Variants in STK25 observed in about 807,000 individuals in gnomAD.
STK25 encodes the protein serine/threonine kinase 25.
STK25 carries 29 observed loss-of-function variants against 53.8 expected under a neutral mutation model. That is an observed-to-expected ratio of 0.54 (90% CI 0.40 to 0.74). The LOEUF is 0.74. STK25 is among the 30% of genes least tolerant of loss of function. The pLI, the probability that STK25 is intolerant of heterozygous loss-of-function variation, is 0.00. For missense variants in STK25, 420 were observed against 568.0 expected (o/e 0.74, Z 2.65); for synonymous variants, 247 against 238.3 (o/e 1.04, Z -0.33).
Position 241,508,023 on chromosome 2 carries a change from G to C in STK25, c.13C>G (p.Arg5Gly). 6.2e-6 allele frequency: 10 copies of C among 1,605,042 alleles called. No individual in the cohort carries two copies. Among genetic ancestry groups the C allele is most frequent in the Admixed American group, 1.7e-5 (1 of 59,016 alleles). The change falls in exon 2 of 12, where the codon CGG becomes GGG. Residue 5 changes from arginine (R) to glycine (G), a missense_variant. By Grantham distance (125) the Arg-to-Gly change is moderately radical (BLOSUM62 -2). Coordinates refer to ENST00000316586, the MANE Select transcript of STK25 (RefSeq NM_001271977.2). The stretch of plus-strand genomic sequence containing the variant: ...CTTCTCACCTGGTTGGCAAATCCCC[G>C]GAGGTGAGCCATGGCCGCGCCGCCT... MAHL[R>G]GFANQHSRVD...
At chr2:241,507,644 GC>G (rs1312139984) in intron 2 of STK25, among the ~76,000 whole-genome samples, 1 of 152,208 alleles carries the variant, frequency 6.6e-6, no homozygotes, top group East Asian at 1.9e-4. Flanking sequence ...CCGCAGGGTG[GC>G]CCCCGACCTT....
Position 241,493,478 on chromosome 2 carries a change from C to A in STK25, c.*2184G>T. On this transcript the variant is annotated 3_prime_UTR_variant, in exon 12 of 12. Transcript: ENST00000316586. Reference sequence around the variant, plus strand: ...GCAGGAGGCAGCCCTGGTCAGCTGCCCATTTCGATGTCCGCTCAGCTCCCA... The same window carrying A: ...GCAGGAGGCAGCCCTGGTCAGCTGCACATTTCGATGTCCGCTCAGCTCCCA... 6.2e-7 allele frequency: 1 copy of A among 1,605,238 alleles called. No individual in the cohort carries two copies. Among genetic ancestry groups the A allele is most frequent in the South Asian group, 1.1e-5 (1 of 90,812 alleles).
chr2:241,508,067 C>A lies in STK25; in HGVS notation c.-32G>T. On this transcript the variant is annotated 5_prime_UTR_variant, in exon 2 of 12. Coordinates refer to ENST00000316586, the MANE Select transcript of STK25 (RefSeq NM_001271977.2). ...GCCGCCTCAGACCCTCCGCCAGCAGCCCCAGGAGGCGTCTGGATCCCGCGG... is the reference window on the plus strand; with the variant it reads ...GCCGCCTCAGACCCTCCGCCAGCAGACCCAGGAGGCGTCTGGATCCCGCGG... 6.3e-7 allele frequency: 1 copy of A among 1,588,322 alleles called. No individual in the cohort carries two copies. The highest frequency in any genetic ancestry group is 2.3e-5 in the East Asian group (1 of 43,442).
Position 241,508,117 on chromosome 2 carries a change from C to T in STK25, c.-82G>A. On this transcript the variant is annotated 5_prime_UTR_variant, in exon 2 of 12. Coordinates refer to ENST00000316586, the MANE Select transcript of STK25 (RefSeq NM_001271977.2). ...GAGAGGCGCGGAGCCGGCTAGCTCGCCCCTGCGGCGTCAGTCCACTGCGAG... is the reference window on the plus strand; with the variant it reads ...GAGAGGCGCGGAGCCGGCTAGCTCGTCCCTGCGGCGTCAGTCCACTGCGAG... The T allele has an allele frequency of 1.3e-6, 2 of 1,533,534 alleles. No individual in the cohort carries two copies. The highest frequency in any genetic ancestry group is 1.8e-6 in the Non-Finnish European group (2 of 1,140,816). 95.0% of individuals were successfully genotyped at this position (1,533,534 alleles called of 1,614,324 possible). A position where few individuals can be genotyped will look rare whatever the true frequency, so the allele number is the denominator to read the frequency against.
At chr2:241,500,057 T>C (rs1559834475) in intron 5 of STK25, 116 bp downstream of exon 5, 1 of 832,298 alleles carries the variant, frequency 1.2e-6, no homozygotes, top group Middle Eastern at 2.2e-4. Context: ...GGCCACAAGG[T>C]TCTCTATACT....
chr2:241,495,546 G>A lies in STK25; in HGVS notation c.*116C>T, dbSNP rs2065098117. 12 of 1,153,796 alleles carry A rather than the reference G, an allele frequency of 1.0e-5. No individual in the cohort carries two copies. In the Middle Eastern group the frequency reaches 5.8e-4, roughly 56 times the overall value. 71.5% of individuals were successfully genotyped at this position (1,153,796 alleles called of 1,614,324 possible). On this transcript the variant is annotated 3_prime_UTR_variant, in exon 12 of 12. Coordinates refer to ENST00000316586, the MANE Select transcript of STK25 (RefSeq NM_001271977.2). The stretch of plus-strand genomic sequence containing the variant: ...CTGGCATGTGAGGCCCACGGGATCC[G>A]ACGTGTCCCTGCAGGCACGACATAG...
At chr2:241,498,565 G>A (rs910419182) in intron 8 of STK25, 74 bp downstream of exon 8, 137 of 1,534,702 alleles carry the variant, frequency 8.9e-5, no homozygotes, top group African/African-American at 2.9e-4. Flanking sequence ...CAGGGCCCAC[G>A]CCCCTGCTTC....
chr2:241,506,452 G>A lies in STK25; in HGVS notation c.30+1554C>T, dbSNP rs34896814. On this transcript the variant is annotated intron_variant, in intron 2 of 11. Coordinates refer to ENST00000316586, the MANE Select transcript of STK25 (RefSeq NM_001271977.2). ...CAATTTCTCATCCTGTGACCCAAAG[G>A]AGTTATTTCTGCAGTTCTTAAAAAT... 6.5e-4 allele frequency among the ~76,000 whole-genome samples: 99 copies of A among 152,302 alleles called. 1 individual carries two copies. The highest frequency in any genetic ancestry group is 2.3e-3 in the African/African-American group (95 of 41,566).
rs1327798014 is a variant in STK25, at chr2:241,495,049, AG to A, written c.*612del. On this transcript the variant is annotated 3_prime_UTR_variant, in exon 12 of 12. Coordinates refer to ENST00000316586, the MANE Select transcript of STK25 (RefSeq NM_001271977.2). ...AAGTCAGGTCTTTATTGAAAGTGGC[AG>A]GGGCCTCTCAATGTTCTATGAAAAC... 1 of 152,362 alleles carries A rather than the reference AG, an allele frequency of 6.6e-6. No individual in the cohort carries two copies. The highest frequency in any genetic ancestry group is 1.9e-4 in the East Asian group (1 of 5,198). 9.4% of individuals were successfully genotyped at this position (152,362 alleles called of 1,614,324 possible). A position where few individuals can be genotyped will look rare whatever the true frequency, so the allele number is the denominator to read the frequency against.
At position 241,501,719 on chromosome 2, in the gene STK25, AG is replaced by A. The variant is rs755031288; in HGVS notation, c.31-12del. 6.2e-6 allele frequency: 10 copies of A among 1,607,572 alleles called. No individual in the cohort carries two copies. The highest frequency in any genetic ancestry group is 2.2e-5 in the South Asian group (2 of 90,964). ...GTCCACTCGAGAGTGCTGTGGGGCC[AG>A]GGCGGGGACAGAGGGCAGACAGCGC... On this transcript the variant is annotated splice_polypyrimidine_tract_variant and intron_variant, in intron 2 of 11. Coordinates refer to ENST00000316586, the MANE Select transcript of STK25 (RefSeq NM_001271977.2). The surrounding 1 kb of genome is among the most constrained non-coding windows in gnomAD (Gnocchi z 5.3).
chr2:241,492,861 A>G lies in STK25; in HGVS notation c.*2801T>C, dbSNP rs368263765. On this transcript the variant is annotated 3_prime_UTR_variant, in exon 12 of 12. Transcript: ENST00000316586. ...AGCATGCAGAGGCTTAGTCTTGGGG[A>G]GCAAACCCACTCCCACAAGGGGTCC... 2 of 893,396 alleles carry G rather than the reference A, an allele frequency of 2.2e-6. No homozygotes were observed. The highest frequency in any genetic ancestry group is 4.8e-5 in the East Asian group (2 of 41,550). 55.3% of individuals were successfully genotyped at this position (893,396 alleles called of 1,614,324 possible). A position where few individuals can be genotyped will look rare whatever the true frequency, so the allele number is the denominator to read the frequency against.
rs958221416 is a variant in STK25 at position 241,496,156 on chromosome 2, G to A, written c.1241+242C>T. On this transcript the variant is annotated intron_variant, in intron 11 of 11. Coordinates refer to ENST00000316586, the MANE Select transcript of STK25 (RefSeq NM_001271977.2). The surrounding 1 kb of genome is among the most constrained non-coding windows in gnomAD (Gnocchi z 5.8). ...GTGGCCACTGAGGCCGGGACCCTGA[G>A]ACACTGCCTCAGACCCTTAGACTGG... Among the ~76,000 whole-genome samples, 1 of 152,174 alleles carries A rather than the reference G, an allele frequency of 6.6e-6. No homozygotes were observed. Among genetic ancestry groups the A allele is most frequent in the African/African-American group, 2.4e-5 (1 of 41,444 alleles).
rs2064989474 is a variant in STK25 at position 241,493,092 on chromosome 2, C to T, written c.*2570G>A. 6.1e-6 allele frequency: 7 copies of T among 1,147,834 alleles called. No homozygotes were observed. Among genetic ancestry groups the T allele is most frequent in the Non-Finnish European group, 7.9e-6 (6 of 755,616 alleles). 71.1% of individuals were successfully genotyped at this position (1,147,834 alleles called of 1,614,324 possible). On this transcript the variant is annotated 3_prime_UTR_variant, in exon 12 of 12. Transcript: ENST00000316586. ...GTGATGCTAGCAGACAGACACTTAA[C>T]CCTGCTCACCTGTGTCCCTTTTGTA... is the stretch of plus-strand genomic sequence containing the variant.
chr2:241,501,701 C>T lies in STK25; in HGVS notation c.38G>A (p.Arg13Gln), dbSNP rs1452803016. The T allele has an allele frequency of 5.0e-6, 8 of 1,612,158 alleles. No homozygotes were observed. The highest frequency in any genetic ancestry group is 3.3e-5 in the Admixed American group (2 of 59,990). ...HLRGFANQHS[R>Q]VDPEELFTKL... Reference sequence around the variant, plus strand: ...GGTGAAGAGCTCCTCAGGGTCCACTCGAGAGTGCTGTGGGGCCAGGGCGGG... The same window carrying T: ...GGTGAAGAGCTCCTCAGGGTCCACTTGAGAGTGCTGTGGGGCCAGGGCGGG... The change falls in exon 3 of 12, where the codon CGA becomes CAA. Residue 13 changes from arginine (R) to glutamine (Q), a missense_variant. Arg to Gln is a conservative substitution (Grantham distance 43). Coordinates refer to ENST00000316586, the MANE Select transcript of STK25 (RefSeq NM_001271977.2). This position sits in a 1 kb window ranked among gnomAD's most constrained non-coding sequence, Gnocchi z 5.3.
Position 241,497,671 on chromosome 2 carries a change from T to C in STK25, c.1049A>G (p.Lys350Arg). Reference sequence around the variant, plus strand: ...CAGGCACTGGGACCTCGGCTGCCTCTTGACGGGCTCCGCAGGCTGCAAAGG... The same window carrying C: ...CAGGCACTGGGACCTCGGCTGCCTCCTGACGGGCTCCGCAGGCTGCAAAGG... ...HSSQKPAEPV[K>R]RQPRSQCLST... Residue 350 changes from lysine (K) to arginine (R), a missense_variant, in exon 10 of 12, where the codon AAG becomes AGG. Lys to Arg is a conservative substitution (Grantham distance 26, BLOSUM62 2). Transcript: ENST00000316586. 1 of 1,613,444 alleles carries C rather than the reference T, an allele frequency of 6.2e-7. No homozygotes were observed. Among genetic ancestry groups the C allele is most frequent in the Non-Finnish European group, 8.5e-7 (1 of 1,179,964 alleles).
intron 2 of STK25, chr2:241,503,888 A>G (rs1342984119): frequency 2.5e-6 from 1 of 403,022 alleles, no homozygotes; most frequent in Non-Finnish European, 5.2e-6. Flanking sequence ...TGCTGGGTCC[A>G]CCCCAGGCCT....
At chr2:241,508,225 C>A in intron 1 of STK25, 90 bp from the exon 2 acceptor site, 1 of 1,331,542 alleles carries the variant, frequency 7.5e-7, no homozygotes, top group South Asian at 1.9e-5. Flanking sequence ...GGGGGGGGCC[C>A]AGGAGACCCC....
At chr2:241,507,117 A>G (rs953834072) in intron 2 of STK25, among the ~76,000 whole-genome samples, 3 of 152,224 alleles carry the variant, frequency 2.0e-5, no homozygotes, top group Non-Finnish European at 4.4e-5. Context: ...TTTAGCGGCG[A>G]TTCCAACGCC....
At chr2:241,503,220 C>T (rs2065613379) in intron 2 of STK25, among the ~76,000 whole-genome samples, 1 of 152,040 alleles carries the variant, frequency 6.6e-6, no homozygotes, top group Non-Finnish European at 1.5e-5. Context: ...TGCACCACCA[C>T]TCCCAGTTAA....
Sources: allele counts gnomAD v4.1 joint callset (sites outside exome capture counted in the v4.1 genomes callset), GRCh38; gene constraint gnomAD v4.1.1; non-coding constraint Gnocchi (gnomAD v3.1); transcripts MANE v1.5; gene names NCBI Gene and HGNC (gene_info 2026-07-23, HGNC 2026-07-21).